Variants in NFAT5 observed in about 807,000 individuals in gnomAD.
The protein encoded by NFAT5 is nuclear factor of activated T-cells 5.
A neutral mutation model predicts 166.5 loss-of-function variants in NFAT5; 31 were observed. The ratio of observed to expected loss-of-function variants is 0.19; its 90% CI spans 0.14 to 0.25. The LOEUF (loss-of-function observed/expected upper bound fraction) is 0.25. NFAT5 is among the 10% of genes least tolerant of loss of function. The pLI is 1.00. For missense variants in NFAT5, 1,449 were observed against 1,821.8 expected (o/e 0.80, Z 3.72); for synonymous variants, 612 against 639.7 (o/e 0.96, Z 0.65).
intron 3 of NFAT5, among the ~76,000 whole-genome samples, chr16:69,635,023 GTTTT>G (rs530661389): frequency 9.5e-5 from 10 of 105,234 alleles, no homozygotes; most frequent in Admixed American, 1.2e-4. Context: ...TGTTAGTAAA[GTTTT>G]TTTTTTTTTT....
intron 2 of NFAT5, among the ~76,000 whole-genome samples, chr16:69,623,958 C>T: frequency 6.7e-6 from 1 of 149,422 alleles, no homozygotes; most frequent in Non-Finnish European, 1.5e-5. Flanking sequence ...ACCATGTTGG[C>T]CAGGCTAGTC....
In NFAT5 at chr16:69,693,666, C is replaced by A; in HGVS notation, c.3841C>A (p.Gln1281Lys). Residue 1281 changes from glutamine to lysine, a missense_variant, in exon 13 of 15, where the codon CAA becomes AAA. Around this residue, in one of 7 missense-constraint regions of NFAT5, gnomAD observed 891 missense variants for 993.0 expected, o/e 0.90. Coordinates refer to ENST00000349945, the MANE Select transcript of NFAT5 (RefSeq NM_138713.4). The stretch of plus-strand genomic sequence containing the variant: ...GCAACAGCAGCAGCAACAGCAGCAG[C>A]AACAACAACAGAGCATTTTATTCAG... ...QQQQQQQQQQ[Q>K]QQQSILFSNQ... The A allele has an allele frequency of 1.2e-6, 2 of 1,613,562 alleles. No individual in the cohort carries two copies. Among genetic ancestry groups the A allele is most frequent in the Non-Finnish European group, 1.7e-6 (2 of 1,179,518 alleles).
chr16:69,572,156 C>T (rs1040778751), intron 2 of NFAT5, among the ~76,000 whole-genome samples: 2 of 152,160 alleles, frequency 1.3e-5, no homozygotes, highest in Non-Finnish European at 2.9e-5. Context: ...CAGTGCTAGT[C>T]TTTCTTGCAA....
At position 69,695,208 on chromosome 16, in the gene NFAT5, A is replaced by C. The variant is rs1030784301; in HGVS notation, c.4487A>C (p.Gln1496Pro). 1.2e-6 allele frequency: 2 copies of C among 1,614,116 alleles called. No homozygotes were observed. Among genetic ancestry groups the C allele is most frequent in the Admixed American group, 1.7e-5 (1 of 60,002 alleles). ...DQLMAISQPG[Q>P]PQNEGQPPVT... ...TTGATGGCCATAAGTCAGCCAGGCC[A>C]ACCACAAAACGAGGGCCAGCCACCT... is the stretch of plus-strand genomic sequence containing the variant. Residue 1496 changes from glutamine to proline, a missense_variant, in exon 14 of 15, where the codon CAA becomes CCA. Transcript: ENST00000349945.
In NFAT5 at chr16:69,566,407, G is replaced by A; in HGVS notation, c.73+33G>A. 6.7e-7 allele frequency: 1 copy of A among 1,483,766 alleles called. No individual in the cohort carries two copies. Among genetic ancestry groups the A allele is most frequent in the East Asian group, 2.3e-5 (1 of 43,056 alleles). 91.9% of individuals were successfully genotyped at this position (1,483,766 alleles called of 1,614,324 possible). The stretch of plus-strand genomic sequence containing the variant: ...AGGCTGTGGGGGGTGGGGCGTGGGG[G>A]CGGGGAGACAGGGAGACAGGGAGAC... On this transcript the variant is annotated intron_variant, in intron 1 of 14. Transcript: ENST00000349945. This position sits in a 1 kb window ranked among gnomAD's most constrained non-coding sequence, Gnocchi z 5.7.
At chr16:69,591,476 T>C (rs2032456184) in intron 2 of NFAT5, among the ~76,000 whole-genome samples, 1 of 152,210 alleles carries the variant, frequency 6.6e-6, no homozygotes, top group South Asian at 2.1e-4. Flanking sequence ...GGAAACATAA[T>C]CAAGTATCTG....
chr16:69,642,023 C>T (rs1371409787), intron 3 of NFAT5, among the ~76,000 whole-genome samples: 1 of 151,826 alleles, frequency 6.6e-6, no homozygotes, highest in Non-Finnish European at 1.5e-5. Flanking sequence ...CGCTTGAGCC[C>T]AGGAGGTCGA....
chr16:69,653,467 G>GA, intron 5 of NFAT5, 39 bp downstream of exon 5: 2 of 1,274,348 alleles, frequency 1.6e-6, no homozygotes, highest in Non-Finnish European at 2.1e-6. Context: ...TAGTTAAAAT[G>GA]TAAAGGGGAA....
chr16:69,678,285 G>A (rs935436610), intron 10 of NFAT5, among the ~76,000 whole-genome samples: 18 of 151,314 alleles, frequency 1.2e-4, no homozygotes, highest in Non-Finnish European at 2.4e-4. Context: ...CGCGATCTTG[G>A]CTCACTGCAA....
chr16:69,608,938 G>A (rs924348526), intron 2 of NFAT5, among the ~76,000 whole-genome samples: 11 of 151,680 alleles, frequency 7.3e-5, no homozygotes, highest in South Asian at 2.1e-4. Flanking sequence ...TGGCTAACAC[G>A]GTGAAAACCC....
In NFAT5 at chr16:69,699,675, C is replaced by T. The variant is rs1160406332; in HGVS notation, c.*3324C>T. On this transcript the variant is annotated 3_prime_UTR_variant, in exon 15 of 15. Transcript: ENST00000349945. ...GAGAGACTCAGTGAGCCAGCAAAGGCCATAGAAACAACAATTTATTAAATG... is the reference window on the plus strand; with the variant it reads ...GAGAGACTCAGTGAGCCAGCAAAGGTCATAGAAACAACAATTTATTAAATG... 2 of 152,600 alleles carry T rather than the reference C, an allele frequency of 1.3e-5. No homozygotes were observed. The highest frequency in any genetic ancestry group is 1.3e-4 in the Admixed American group (2 of 15,276). The allele number at this position is 152,600 out of a possible 1,614,324, so 9.5% of individuals were successfully genotyped here. A position where few individuals can be genotyped will look rare whatever the true frequency, so the allele number is the denominator to read the frequency against.
chr16:69,670,274 G>T lies in NFAT5; in HGVS notation c.1543G>T (p.Glu515Ter). ...SWKSEAEIDM[E>*]LFHQNHLIVK... ...GAAGTCAGAAGCTGAAATTGATATG[G>T]AACTATTTCATCAGGTAAAATTTAA... is the stretch of plus-strand genomic sequence containing the variant. The change falls in exon 9 of 15, where the codon GAA becomes TAA. Residue 515 changes from glutamate to a stop codon, truncating the protein, a stop_gained. Transcript: ENST00000349945. LOFTEE classifies it high-confidence loss of function. 6.3e-7 allele frequency: 1 copy of T among 1,580,108 alleles called. No individual in the cohort carries two copies. The highest frequency in any genetic ancestry group is 1.4e-5 in the African/African-American group (1 of 71,042).
intron 7 of NFAT5, among the ~76,000 whole-genome samples, chr16:69,668,678 T>C (rs1490814180): frequency 1.3e-5 from 2 of 152,112 alleles, no homozygotes. Flanking sequence ...TGAATTTATT[T>C]TTATTTTTAT....
intron 3 of NFAT5, among the ~76,000 whole-genome samples, chr16:69,646,035 T>C (rs922909854): frequency 1.3e-5 from 2 of 152,222 alleles, no homozygotes; most frequent in African/African-American, 4.8e-5. Context: ...TTTTTATGCT[T>C]AACTATTTTC....
intron 2 of NFAT5, among the ~76,000 whole-genome samples, chr16:69,598,977 G>C (rs534167611): frequency 6.8e-6 from 1 of 147,100 alleles, no homozygotes; most frequent in Non-Finnish European, 1.5e-5. Flanking sequence ...TGGCGCCACT[G>C]TACTCCAGTC....
At position 69,668,267 on chromosome 16, in the gene NFAT5, C is replaced by T. The variant is rs547151284; in HGVS notation, c.1370-1710C>T. Among the ~76,000 whole-genome samples the T allele has an allele frequency of 1.8e-4, 28 of 152,258 alleles. 1 individual carries two copies. In the East Asian group the frequency reaches 4.8e-3, roughly 26 times the overall value. On this transcript the variant is annotated intron_variant, in intron 7 of 14. Coordinates refer to ENST00000349945, the MANE Select transcript of NFAT5 (RefSeq NM_138713.4). ...TCTCCCAAAGTATTGGGATTACAGGCGTGAGCCACCTCACCCGGCCAGTGT... is the reference window on the plus strand; with the variant it reads ...TCTCCCAAAGTATTGGGATTACAGGTGTGAGCCACCTCACCCGGCCAGTGT...
chr16:69,698,391 A>T lies in NFAT5; in HGVS notation c.*2040A>T, dbSNP rs1452581550. On this transcript the variant is annotated 3_prime_UTR_variant, in exon 15 of 15. Coordinates refer to ENST00000349945, the MANE Select transcript of NFAT5 (RefSeq NM_138713.4). ...CATTGGCATAAATATAGAAATTTAT[A>T]TATATACATATATATAAACTATTCT... 6.6e-6 allele frequency: 1 copy of T among 152,134 alleles called. No individual in the cohort carries two copies. The highest frequency in any genetic ancestry group is 1.5e-5 in the Non-Finnish European group (1 of 67,978). 9.4% of individuals were successfully genotyped at this position (152,134 alleles called of 1,614,324 possible).
intron 3 of NFAT5, among the ~76,000 whole-genome samples, chr16:69,638,236 C>A (rs1322506423): frequency 6.6e-6 from 1 of 151,744 alleles, no homozygotes; most frequent in Non-Finnish European, 1.5e-5. Flanking sequence ...AACAAACAAG[C>A]AACAACAAAA....
Position 69,704,606 on chromosome 16 carries a change from A to G in NFAT5, c.*8255A>G, listed in dbSNP as rs1300608606. 2 of 152,672 alleles carry G rather than the reference A, an allele frequency of 1.3e-5. No homozygotes were observed. The highest frequency in any genetic ancestry group is 2.9e-5 in the Non-Finnish European group (2 of 68,050). The allele number at this position is 152,672 out of a possible 1,614,324, so 9.5% of individuals were successfully genotyped here. ...TTGGAACATTTGTATACTCGCAACT[A>G]TATTTCTGTAAACAGCTGCAGTCAA... On this transcript the variant is annotated 3_prime_UTR_variant, in exon 15 of 15. Coordinates refer to ENST00000349945, the MANE Select transcript of NFAT5 (RefSeq NM_138713.4).
Sources: allele counts gnomAD v4.1 joint callset (sites outside exome capture counted in the v4.1 genomes callset), GRCh38; gene constraint gnomAD v4.1.1; regional missense constraint gnomAD v4.1.1; non-coding constraint Gnocchi (gnomAD v3.1); transcripts MANE v1.5; gene names NCBI Gene and HGNC (gene_info 2026-07-23, HGNC 2026-07-21).